HPS1: variants seen among roughly 807,000 people sequenced by gnomAD.
HPS1 encodes the protein BLOC-3 complex member HPS1.
A neutral mutation model predicts 90.6 loss-of-function variants in HPS1; 59 were observed. The observed-to-expected ratio is 0.65, with a 90% CI of 0.53 to 0.81. The LOEUF is 0.81. HPS1 is among the 30% of genes least tolerant of loss of function. HPS1 has a pLI of 0.00. For missense variants in HPS1, 849 were observed against 896.7 expected (o/e 0.95, Z 0.68); for synonymous variants, 388 against 384.4 (o/e 1.01, Z -0.11).
At chr10:98,419,421 A>G (rs1168627181) in intron 18 of HPS1, among the ~76,000 whole-genome samples, 2 of 151,924 alleles carry the variant, frequency 1.3e-5, no homozygotes, top group Non-Finnish European at 2.9e-5. Flanking sequence ...ACAGGAGGAG[A>G]GGAGTCCCAG....
intron 1 of HPS1, among the ~76,000 whole-genome samples, chr10:98,446,269 G>C (rs898375553): frequency 6.6e-6 from 1 of 152,178 alleles, no homozygotes; most frequent in Non-Finnish European, 1.5e-5. Flanking sequence ...CCGAAACAGG[G>C]GGATGCTTCC....
In HPS1 at chr10:98,445,808, T is replaced by C. The variant is rs1939404651; in HGVS notation, c.-105-404A>G. Among the ~76,000 whole-genome samples, 1 of 152,112 alleles carries C rather than the reference T, an allele frequency of 6.6e-6. No homozygotes were observed. Among genetic ancestry groups the C allele is most frequent in the Non-Finnish European group, 1.5e-5 (1 of 68,026 alleles). ...GGGGATCCTGGGATGATACGATGAA[T>C]GGAAGGAAACTAACAGGAAAGGCAT... On this transcript the variant is annotated intron_variant, in intron 1 of 19. Coordinates refer to ENST00000361490, the MANE Select transcript of HPS1 (RefSeq NM_000195.5). This position sits in a 1 kb window ranked among gnomAD's most constrained non-coding sequence, Gnocchi z 4.5.
Position 98,417,417 on chromosome 10 carries a change from G to T in HPS1, c.*147C>A. 1 of 636,280 alleles carries T rather than the reference G, an allele frequency of 1.6e-6. No individual in the cohort carries two copies. The highest frequency in any genetic ancestry group is 2.7e-6 in the Non-Finnish European group (1 of 373,134). 39.4% of individuals were successfully genotyped at this position (636,280 alleles called of 1,614,324 possible). A position where few individuals can be genotyped will look rare whatever the true frequency, so the allele number is the denominator to read the frequency against. ...CCTGACATGGAGGGTGGTCTAGGTG[G>T]GGTTTTAGAAGCCCTGGGGCCACCC... is the stretch of plus-strand genomic sequence containing the variant. On this transcript the variant is annotated 3_prime_UTR_variant, in exon 20 of 20. Transcript: ENST00000361490. This position sits in a 1 kb window ranked among gnomAD's most constrained non-coding sequence, Gnocchi z 4.2.
In HPS1 at chr10:98,418,168, G is replaced by A. The variant is rs752863372; in HGVS notation, c.1940+7C>T. Reference sequence around the variant, plus strand: ...TCTGTCCCCAGTGGCTCCCAACGCAGCGTCACCTGTAGTAGTCTCCTCCCA... The same window carrying A: ...TCTGTCCCCAGTGGCTCCCAACGCAACGTCACCTGTAGTAGTCTCCTCCCA... On this transcript the variant is annotated splice_region_variant and intron_variant, in intron 19 of 19. Transcript: ENST00000361490. 1.3e-6 allele frequency: 2 copies of A among 1,590,158 alleles called. No homozygotes were observed. Among genetic ancestry groups the A allele is most frequent in the South Asian group, 2.2e-5 (2 of 89,656 alleles).
chr10:98,431,022 T>C, intron 7 of HPS1, 109 bp downstream of exon 7: 3 of 1,148,452 alleles, frequency 2.6e-6, no homozygotes, highest in Non-Finnish European at 2.6e-6. Context: ...TCAGGCTTCA[T>C]GGAGGAGGTG....
chr10:98,421,776 A>G (rs917997885), intron 17 of HPS1, among the ~76,000 whole-genome samples: 5 of 152,184 alleles, frequency 3.3e-5, no homozygotes, highest in Admixed American at 2.6e-4. Context: ...CTGTGATGTA[A>G]ATAGCACTAT....
At chr10:98,416,059 T>G (rs1173977586), downstream of HPS1, 1 of 152,340 alleles carries the variant, frequency 6.6e-6, no homozygotes, top group Admixed American at 6.5e-5. Flanking sequence ...TGCTCTGATA[T>G]CGCAGTGTGA....
chr10:98,420,707 C>T (rs1197913528), intron 17 of HPS1, among the ~76,000 whole-genome samples: 1 of 151,848 alleles, frequency 6.6e-6, no homozygotes, highest in Non-Finnish European at 1.5e-5. Context: ...CAAAGTGAGA[C>T]CCTGTCTCAA....
chr10:98,438,026 CGAA>C (rs1267845029), intron 3 of HPS1, among the ~76,000 whole-genome samples: 1 of 152,184 alleles, frequency 6.6e-6, no homozygotes, highest in African/African-American at 2.4e-5. Context: ...TGCTGCCTTG[CGAA>C]GAAGGTGCCT....
chr10:98,441,364 C>G (rs1188195335), intron 3 of HPS1, among the ~76,000 whole-genome samples: 1 of 152,100 alleles, frequency 6.6e-6, no homozygotes, highest in Non-Finnish European at 1.5e-5. Flanking sequence ...ATAGCTCATA[C>G]CACACACAAA....
At chr10:98,426,111 C>T (rs1845573370) in intron 11 of HPS1, 126 bp from the exon 12 acceptor site, 1 of 821,224 alleles carries the variant, frequency 1.2e-6, no homozygotes, top group Non-Finnish European at 1.9e-6. Context: ...TTTTAAATTC[C>T]TGCACTCTGC....
Position 98,445,329 on chromosome 10 carries a change from G to C in HPS1, c.-30C>G, listed in dbSNP as rs1261429816. ...GCAAGCACAGTGGAGCATCCAGACG[G>C]CCAGAGGTTCAGAAAGGGCTGCAGC... On this transcript the variant is annotated 5_prime_UTR_variant, in exon 2 of 20. Coordinates refer to ENST00000361490, the MANE Select transcript of HPS1 (RefSeq NM_000195.5). This position sits in a 1 kb window ranked among gnomAD's most constrained non-coding sequence, Gnocchi z 4.5. 6.5e-6 allele frequency: 1 copy of C among 152,816 alleles called. No homozygotes were observed. The highest frequency in any genetic ancestry group is 1.5e-5 in the Non-Finnish European group (1 of 68,432). 9.5% of individuals were successfully genotyped at this position (152,816 alleles called of 1,614,324 possible). A position where few individuals can be genotyped will look rare whatever the true frequency, so the allele number is the denominator to read the frequency against.
chr10:98,426,111 C>G, intron 11 of HPS1, 126 bp from the exon 12 acceptor site: 1 of 821,224 alleles, frequency 1.2e-6, no homozygotes. Context: ...TTTTAAATTC[C>G]TGCACTCTGC....
chr10:98,420,818 TCTC>T (rs1844749565), intron 17 of HPS1, among the ~76,000 whole-genome samples: 1 of 152,086 alleles, frequency 6.6e-6, no homozygotes, highest in African/African-American at 2.4e-5. Context: ...CAAGGTGTGG[TCTC>T]CTGAATCCCC....
At chr10:98,443,048 T>G in intron 3 of HPS1, 76 bp downstream of exon 3, 2 of 1,059,280 alleles carry the variant, frequency 1.9e-6, no homozygotes, top group Non-Finnish European at 3.0e-6. Context: ...CAGGTTTTCC[T>G]GCCTCTCTGC....
At chr10:98,431,489 G>A (rs1415793927) in intron 6 of HPS1, 198 bp from the exon 7 acceptor site, 1 of 609,038 alleles carries the variant, frequency 1.6e-6, no homozygotes, top group Non-Finnish European at 2.9e-6. Flanking sequence ...TCCAGTGGAT[G>A]AGGCAAGGCA....
At chr10:98,444,733 A>C (rs930756053) in intron 2 of HPS1, among the ~76,000 whole-genome samples, 2 of 152,254 alleles carry the variant, frequency 1.3e-5, no homozygotes, top group African/African-American at 4.8e-5. Context: ...GGCAAATGCC[A>C]GGAGACATAA....
At chr10:98,425,405 G>A (rs1026492887) in intron 13 of HPS1, 136 bp downstream of exon 13, 5 of 809,166 alleles carry the variant, frequency 6.2e-6, no homozygotes, top group Admixed American at 4.5e-5. Context: ...GGGAAAACAA[G>A]GATCGTAGGC....
In HPS1 at chr10:98,422,516, G is replaced by A. The variant is rs374636327; in HGVS notation, c.1599-3C>T. The A allele has an allele frequency of 1.1e-4, 177 of 1,613,800 alleles. No homozygotes were observed. The highest frequency in any genetic ancestry group is 1.4e-4 in the Non-Finnish European group (170 of 1,179,968). ...AGCCTGGGAAGTCTTCTAGGTAGGT[G>A]AAGGTCTGAGTTAAGGTGCTTACAA... On this transcript the variant is annotated splice_region_variant and splice_polypyrimidine_tract_variant and intron_variant, in intron 16 of 19. Transcript: ENST00000361490.
Sources: gnomAD v4.1 joint callset for allele counts (sites outside exome capture counted in the v4.1 genomes callset) on GRCh38, gnomAD v4.1.1 for gene constraint, Gnocchi (gnomAD v3.1) non-coding constraint, MANE v1.5 for transcripts, NCBI Gene and HGNC (gene_info 2026-07-23, HGNC 2026-07-21) for gene names.